The following STK33 variants were observed in gnomAD, a reference collection of about 807,000 sequenced individuals.
The protein encoded by STK33 is serine/threonine-protein kinase 33.
STK33 carries 52 observed loss-of-function variants against 58.0 expected under a neutral mutation model. That is an observed-to-expected ratio of 0.90 (90% CI 0.72 to 1.13). The LOEUF (loss-of-function observed/expected upper bound fraction) is 1.13. Ranked by LOEUF, STK33 falls within the 50% of genes most tolerant of loss-of-function variation. STK33 has a pLI of 0.00. For synonymous variants in STK33, 215 were observed against 200.1 expected, an observed-to-expected ratio of 1.07 and a Z score of -0.63; for missense variants, 630 against 604.2, an observed-to-expected ratio of 1.04 and a Z score of -0.45.
intron 1 of STK33, among the ~76,000 whole-genome samples, chr11:8,489,318 G>T (rs532573610): frequency 6.8e-6 from 1 of 147,208 alleles, no homozygotes; most frequent in South Asian, 2.2e-4. Flanking sequence ...AAAGTATAAA[G>T]GTATAAATAT....
chr11:8,415,932 C>A (rs1198726651), intron 14 of STK33, among the ~76,000 whole-genome samples: 1 of 152,142 alleles, frequency 6.6e-6, no homozygotes, highest in Non-Finnish European at 1.5e-5. Context: ...TGAACTATAA[C>A]TGCATAAAGT....
chr11:8,572,809 C>G lies in STK33; in HGVS notation c.-466+21274G>C, dbSNP rs990661693. On this transcript the variant is annotated intron_variant, in intron 1 of 15. Transcript: ENST00000687296. ...TGAAAAATGCAATAGATAGAATTAA[C>G]AGCAGATCAGATACTGCCGAAGAAA... is the stretch of plus-strand genomic sequence containing the variant. 2.0e-5 allele frequency among the ~76,000 whole-genome samples: 3 copies of G among 151,874 alleles called. No homozygotes were observed. The South Asian group carries it at 6.2e-4, about 32-fold the overall frequency.
At chr11:8,559,741 G>A (rs2140908939) in intron 1 of STK33, among the ~76,000 whole-genome samples, 1 of 152,198 alleles carries the variant, frequency 6.6e-6, no homozygotes, top group South Asian at 2.1e-4. Flanking sequence ...AGAGTCCAGA[G>A]GGTATAAAAT....
chr11:8,532,705 T>C (rs922616611), intron 1 of STK33, among the ~76,000 whole-genome samples: 2 of 152,202 alleles, frequency 1.3e-5, no homozygotes, highest in South Asian at 4.1e-4. Context: ...GGAAACAACG[T>C]TGCAATTGAT....
intron 1 of STK33, among the ~76,000 whole-genome samples, chr11:8,513,877 G>A (rs1191666434): frequency 6.6e-6 from 1 of 151,992 alleles, no homozygotes; most frequent in Non-Finnish European, 1.5e-5. Flanking sequence ...ATTGACTACT[G>A]TCACCCTGCA....
At chr11:8,410,483 T>TTC (rs1265458019) in intron 15 of STK33, among the ~76,000 whole-genome samples, 1 of 149,216 alleles carries the variant, frequency 6.7e-6, no homozygotes, top group Non-Finnish European at 1.5e-5. Flanking sequence ...TTTTTTTTTT[T>TTC]TTTTTCTGAG....
chr11:8,479,465 G>C (rs1194260105), intron 2 of STK33, among the ~76,000 whole-genome samples: 2 of 150,012 alleles, frequency 1.3e-5, no homozygotes, highest in Non-Finnish European at 3.0e-5. Context: ...AGAAATTGCA[G>C]TTTAGAGACA....
intron 1 of STK33, among the ~76,000 whole-genome samples, chr11:8,529,956 A>G (rs147709515): frequency 1.3e-5 from 2 of 152,312 alleles, no homozygotes; most frequent in East Asian, 3.9e-4. Flanking sequence ...GAAAACTAGT[A>G]TATTCCCCCA....
At chr11:8,496,202 G>A (rs1268357254) in intron 1 of STK33, among the ~76,000 whole-genome samples, 1 of 150,764 alleles carries the variant, frequency 6.6e-6, no homozygotes, top group Non-Finnish European at 1.5e-5. Context: ...CCATGTATAT[G>A]ATCATATGCA....
intron 1 of STK33, among the ~76,000 whole-genome samples, chr11:8,590,300 C>G (rs554925474): frequency 4.6e-5 from 7 of 152,260 alleles, no homozygotes; most frequent in African/African-American, 1.4e-4. Context: ...TTTACACATA[C>G]ACTATAAAAG....
intron 1 of STK33, among the ~76,000 whole-genome samples, chr11:8,570,046 T>C (rs1957701011): frequency 6.6e-6 from 1 of 152,004 alleles, no homozygotes; most frequent in African/African-American, 2.4e-5. Context: ...AAAACTTGTA[T>C]CCAAAATTAG....
At chr11:8,396,274 T>C (rs1849324924) in intron 15 of STK33, among the ~76,000 whole-genome samples, 1 of 152,198 alleles carries the variant, frequency 6.6e-6, no homozygotes, top group South Asian at 2.1e-4. Flanking sequence ...CAGCTAATTT[T>C]TGTATTTTTA....
At chr11:8,353,451 A>G in the STK33 span, among the ~76,000 whole-genome samples, 5 of 152,198 alleles carry the variant, frequency 3.3e-5, no homozygotes, top group African/African-American at 1.2e-4. Flanking sequence ...TTGGGGGACA[A>G]TCAGCAGCCC....
At chr11:8,469,515 G>C (rs1325132953) in intron 6 of STK33, among the ~76,000 whole-genome samples, 7 of 152,036 alleles carry the variant, frequency 4.6e-5, no homozygotes, top group Non-Finnish European at 8.8e-5. Flanking sequence ...CTTCCATGAG[G>C]GTGGGAATCA....
chr11:8,516,678 A>G (rs1952816589), intron 1 of STK33, among the ~76,000 whole-genome samples: 1 of 152,238 alleles, frequency 6.6e-6, no homozygotes, highest in Non-Finnish European at 1.5e-5. Flanking sequence ...GCATACCAGG[A>G]GATTATATCC....
chr11:8,396,618 G>A (rs1017575362), intron 15 of STK33, among the ~76,000 whole-genome samples: 1 of 152,166 alleles, frequency 6.6e-6, no homozygotes, highest in African/African-American at 2.4e-5. Context: ...GGGGAGTGTT[G>A]GACAGTGGGT....
intron 1 of STK33, among the ~76,000 whole-genome samples, chr11:8,487,755 C>G (rs187539189): frequency 9.8e-4 from 149 of 152,046 alleles, no homozygotes; most frequent in African/African-American, 3.5e-3. Context: ...ATACCATCAG[C>G]AAAAATGGCA....
intron 1 of STK33, among the ~76,000 whole-genome samples, chr11:8,489,082 G>C (rs1226652677): frequency 1.3e-5 from 2 of 151,892 alleles, no homozygotes; most frequent in Non-Finnish European, 2.9e-5. Context: ...AACAGAGCTA[G>C]ACCCTATCTC....
chr11:8,518,844 G>A (rs1953082058), intron 1 of STK33, among the ~76,000 whole-genome samples: 1 of 152,162 alleles, frequency 6.6e-6, no homozygotes, highest in African/African-American at 2.4e-5. Flanking sequence ...CATAAAGCAA[G>A]TCCTTAGAGA....
Sources: gnomAD v4.1 joint callset for allele counts (sites outside exome capture counted in the v4.1 genomes callset) on GRCh38, gnomAD v4.1.1 for gene constraint, MANE v1.5 for transcripts, NCBI Gene and HGNC (gene_info 2026-07-23, HGNC 2026-07-21) for gene names.